Variants in STS observed in about 807,000 individuals in gnomAD.
The protein encoded by STS is steryl-sulfatase.
STS carries 7 observed loss-of-function variants against 26.8 expected under a neutral mutation model. The ratio of observed to expected loss-of-function variants is 0.26; its 90% CI spans 0.15 to 0.49. The LOEUF is 0.49. STS is among the 20% of genes least tolerant of loss of function. The pLI, the probability that STS is intolerant of heterozygous loss-of-function variation, is 0.98. For synonymous variants in STS, 199 were observed against 189.4 expected, an observed-to-expected ratio of 1.05 and a Z score of -0.42; for missense variants, 434 against 465.6, an observed-to-expected ratio of 0.93 and a Z score of 0.63.
At chrX:7,277,465 G>A (rs1341503565) in intron 7 of STS, among the ~76,000 whole-genome samples, 5 of 111,620 alleles carry the variant, frequency 4.5e-5, no homozygotes, top group African/African-American at 1.6e-4. Context: ...ATTTTGTTCT[G>A]TTTTGTTTTA....
rs1928800452 is a variant in STS, at chrX:7,351,642, A to T, written c.*1381A>T. The T allele has an allele frequency of 8.9e-6, 1 of 111,776 alleles. No homozygotes were observed. The highest frequency in any genetic ancestry group is 3.3e-5 in the African/African-American group (1 of 30,702). The allele number at this position is 111,776 out of a possible 1,213,427, so 9.2% of individuals were successfully genotyped here. A position where few individuals can be genotyped will look rare whatever the true frequency, so the allele number is the denominator to read the frequency against. ...GAAGCTGCCATCCACCTGCTTATGC[A>T]TTTATCTCTTTTGTGGACTTGTCTG... is the stretch of plus-strand genomic sequence containing the variant. On this transcript the variant is annotated 3_prime_UTR_variant, in exon 11 of 11. Transcript: ENST00000674429.
intron 1 of STS, among the ~76,000 whole-genome samples, chrX:7,152,195 G>A (rs1006519887): frequency 1.1e-4 from 12 of 110,667 alleles, no homozygotes; most frequent in East Asian, 2.9e-4. Flanking sequence ...CTTGCGATCC[G>A]CCCCCCTCAG....
At chrX:7,311,133 T>A (rs1299850622) in intron 8 of STS, among the ~76,000 whole-genome samples, 2 of 111,034 alleles carry the variant, frequency 1.8e-5, no homozygotes, top group Non-Finnish European at 3.8e-5. Flanking sequence ...ACATTGGTCA[T>A]CTTTTGTCAG....
intron 2 of STS, among the ~76,000 whole-genome samples, chrX:7,225,570 G>C (rs1921763673): frequency 9.0e-6 from 1 of 111,448 alleles, no homozygotes. Context: ...ATTGGGAGCT[G>C]TTCATATAGG....
chrX:7,302,062 A>T (rs747913492), intron 7 of STS, among the ~76,000 whole-genome samples: 1 of 111,748 alleles, frequency 8.9e-6, no homozygotes, highest in Non-Finnish European at 1.9e-5. Flanking sequence ...ATTATGGGAG[A>T]CACATTTTTA....
chrX:7,250,497 T>A (rs1923089220), intron 2 of STS, among the ~76,000 whole-genome samples: 2 of 110,668 alleles, frequency 1.8e-5, no homozygotes, highest in Middle Eastern at 4.7e-3. Flanking sequence ...ATAGACAAGG[T>A]TTTTGTTGTG....
intron 2 of STS, among the ~76,000 whole-genome samples, chrX:7,240,489 ATG>A (rs1459277833): frequency 2.2e-4 from 10 of 45,034 alleles, no homozygotes; most frequent in African/African-American, 7.8e-4. Context: ...ACACACAGAT[ATG>A]TATGTGTGTG....
At chrX:7,227,826 A>G (rs1274574720) in intron 2 of STS, among the ~76,000 whole-genome samples, 4 of 111,782 alleles carry the variant, frequency 3.6e-5, no homozygotes, top group Non-Finnish European at 7.5e-5. Context: ...GACTTAATCC[A>G]TCTTGCTTAC....
At chrX:7,239,489 TTTC>T (rs1390242661) in intron 2 of STS, among the ~76,000 whole-genome samples, 1 of 112,275 alleles carries the variant, frequency 8.9e-6, no homozygotes, top group Non-Finnish European at 1.9e-5. Flanking sequence ...CATTGTTAAT[TTTC>T]TTCTAATGAA....
chrX:7,279,450 G>C (rs2147111482), intron 7 of STS, among the ~76,000 whole-genome samples: 1 of 100,216 alleles, frequency 1.0e-5, no homozygotes, highest in African/African-American at 3.7e-5. Context: ...TATGATGGGG[G>C]CTTGGATCCT....
intron 9 of STS, among the ~76,000 whole-genome samples, chrX:7,331,236 C>T (rs1410769520): frequency 9.0e-6 from 1 of 111,168 alleles, no homozygotes; most frequent in Admixed American, 9.5e-5. Flanking sequence ...CCAGAACATG[C>T]CCTTTTTAAT....
At chrX:7,163,056 CAAAA>C (rs60006129) in intron 1 of STS, among the ~76,000 whole-genome samples, 1 of 74,959 alleles carries the variant, frequency 1.3e-5, no homozygotes, top group African/African-American at 5.2e-5. Flanking sequence ...GACTCCGTCT[CAAAA>C]AAAAAAAAAA....
intron 2 of STS, among the ~76,000 whole-genome samples, chrX:7,204,680 C>G (rs924074195): frequency 9.8e-6 from 1 of 102,198 alleles, no homozygotes; most frequent in Non-Finnish European, 2.0e-5. Flanking sequence ...TTTTTTCCTC[C>G]TCACCTTTTC....
At chrX:7,271,785 T>TAA (rs1184216026) in intron 6 of STS, among the ~76,000 whole-genome samples, 1 of 94,582 alleles carries the variant, frequency 1.1e-5, no homozygotes, top group South Asian at 4.7e-4. Context: ...CATATTCTTG[T>TAA]AAAAAAAAAA....
chrX:7,324,770 G>A (rs1443647688), intron 8 of STS, among the ~76,000 whole-genome samples: 1 of 111,577 alleles, frequency 9.0e-6, no homozygotes, highest in Non-Finnish European at 1.9e-5. Flanking sequence ...GAGAGGAGGT[G>A]TCTATTCTGT....
chrX:7,245,993 A>G (rs1922850352), intron 2 of STS, among the ~76,000 whole-genome samples: 1 of 112,350 alleles, frequency 8.9e-6, no homozygotes, highest in South Asian at 3.6e-4. Context: ...ACTTGTATAG[A>G]TATATTTGCT....
At chrX:7,299,073 AAATT>A (rs1925820492) in intron 7 of STS, among the ~76,000 whole-genome samples, 1 of 93,253 alleles carries the variant, frequency 1.1e-5, no homozygotes, top group Non-Finnish European at 2.1e-5. Flanking sequence ...ATTTATATAT[AAATT>A]ATTTTATAAT....
At chrX:7,245,897 G>A (rs1434526893) in intron 2 of STS, among the ~76,000 whole-genome samples, 4 of 111,774 alleles carry the variant, frequency 3.6e-5, no homozygotes, top group African/African-American at 1.3e-4. Context: ...TCCAATATGA[G>A]GTCCATTGTT....
At chrX:7,268,585 G>A (rs183541788) in intron 6 of STS, among the ~76,000 whole-genome samples, 269 of 111,873 alleles carry the variant, frequency 2.4e-3, no homozygotes, top group Non-Finnish European at 4.4e-3. Context: ...CAATATACAG[G>A]GACACACACA....
Sources: allele counts gnomAD v4.1 joint callset (sites outside exome capture counted in the v4.1 genomes callset), GRCh38; gene constraint gnomAD v4.1.1; transcripts MANE v1.5; gene names NCBI Gene and HGNC (gene_info 2026-07-23, HGNC 2026-07-21).